AUTS2: variants seen among roughly 807,000 people sequenced by gnomAD.
The protein encoded by AUTS2 is autism susceptibility gene 2 protein.
AUTS2 carries 17 observed loss-of-function variants against 112.4 expected under a neutral mutation model. The ratio of observed to expected loss-of-function variants is 0.15; its 90% CI spans 0.10 to 0.23. The LOEUF (loss-of-function observed/expected upper bound fraction) is 0.23. Among genes scored for constraint, AUTS2 ranks in the 10% least tolerant of loss-of-function variants. The probability of loss-of-function intolerance (pLI) is 1.00; values close to 1 mark genes in which losing one functional copy is unlikely to be tolerated. For synonymous variants in AUTS2, 751 were observed against 702.7 expected, an observed-to-expected ratio of 1.07 and a Z score of -1.09; for missense variants, 1,510 against 1,701.6, an observed-to-expected ratio of 0.89 and a Z score of 1.98.
At chr7:70,577,417 G>C (rs1272670902) in intron 5 of AUTS2, among the ~76,000 whole-genome samples, 1 of 152,122 alleles carries the variant, frequency 6.6e-6, no homozygotes, top group South Asian at 2.1e-4. Context: ...CCCCCTCCCT[G>C]TTATCTTTTA....
intron 1 of AUTS2, among the ~76,000 whole-genome samples, chr7:69,792,330 C>T (rs945927708): frequency 1.3e-5 from 2 of 151,914 alleles, no homozygotes; most frequent in African/African-American, 4.8e-5. Context: ...AGCTCCGCCT[C>T]CCGGGTTCAT....
At chr7:70,189,546 C>A (rs1018232572) in intron 4 of AUTS2, among the ~76,000 whole-genome samples, 1 of 152,150 alleles carries the variant, frequency 6.6e-6, no homozygotes, top group African/African-American at 2.4e-5. Context: ...GATTAATGCC[C>A]AGGTGACCAC....
chr7:70,346,945 T>C (rs1791523439), intron 4 of AUTS2, among the ~76,000 whole-genome samples: 1 of 152,176 alleles, frequency 6.6e-6, no homozygotes, highest in Admixed American at 6.5e-5. Context: ...CCACGTGAAC[T>C]ACATGAAGCA....
chr7:69,957,420 G>A (rs961720832), intron 2 of AUTS2, among the ~76,000 whole-genome samples: 4 of 151,976 alleles, frequency 2.6e-5, no homozygotes, highest in East Asian at 3.9e-4. Flanking sequence ...GATTTACCTT[G>A]TCCTGAATGG....
Position 70,417,740 on chromosome 7 carries a change from CTTCTA to C in AUTS2, c.661-18008_661-18004del, listed in dbSNP as rs1270903194. On this transcript the variant is annotated intron_variant, in intron 4 of 18. Coordinates refer to ENST00000342771, the MANE Select transcript of AUTS2 (RefSeq NM_015570.4). ...TGGTATGGCAGGTTGGAGGTTTCCT[CTTCTA>C]TTCCATTCATCCCATAGAAGCCTTT... Among the ~76,000 whole-genome samples, 7 of 152,316 alleles carry C rather than the reference CTTCTA, an allele frequency of 4.6e-5. No homozygotes were observed. In the East Asian group the frequency reaches 1.4e-3, roughly 29 times the overall value.
intron 1 of AUTS2, among the ~76,000 whole-genome samples, chr7:69,872,761 T>G (rs985681820): frequency 5.3e-5 from 8 of 151,806 alleles, no homozygotes; most frequent in Non-Finnish European, 1.2e-4. Flanking sequence ...GCAGGGAACC[T>G]TCTTTGCCCT....
intron 4 of AUTS2, among the ~76,000 whole-genome samples, chr7:70,362,095 T>C (rs1792295463): frequency 6.6e-6 from 1 of 152,210 alleles, no homozygotes; most frequent in African/African-American, 2.4e-5. Flanking sequence ...AATGCTGATT[T>C]ATGCAGAACT....
At chr7:70,329,242 T>C (rs559545644) in intron 4 of AUTS2, among the ~76,000 whole-genome samples, 2 of 152,338 alleles carry the variant, frequency 1.3e-5, no homozygotes, top group East Asian at 1.9e-4. Context: ...CATGAACATG[T>C]GTCACATATA....
chr7:70,650,843 G>A (rs556972601), intron 5 of AUTS2, among the ~76,000 whole-genome samples: 1 of 152,260 alleles, frequency 6.6e-6, no homozygotes, highest in South Asian at 2.1e-4. Flanking sequence ...AACTGTTCCT[G>A]TACCCATGAC....
chr7:69,902,931 T>C (rs1222529137), intron 2 of AUTS2, among the ~76,000 whole-genome samples: 3 of 152,164 alleles, frequency 2.0e-5, no homozygotes, highest in Admixed American at 6.5e-5. Flanking sequence ...TATGAGAAAT[T>C]TGAATACTTT....
At chr7:69,750,887 G>A (rs954074784) in intron 1 of AUTS2, among the ~76,000 whole-genome samples, 9 of 151,980 alleles carry the variant, frequency 5.9e-5, no homozygotes, top group East Asian at 3.9e-4. Context: ...TGGAAACCCC[G>A]TGCTTCCAGA....
intron 5 of AUTS2, among the ~76,000 whole-genome samples, chr7:70,605,249 G>A (rs931682493): frequency 6.6e-6 from 1 of 152,078 alleles, no homozygotes; most frequent in Non-Finnish European, 1.5e-5. Flanking sequence ...TCTTTCCTTG[G>A]AAATGCTGAG....
At chr7:70,178,515 A>G (rs1274880655) in intron 4 of AUTS2, among the ~76,000 whole-genome samples, 1 of 152,128 alleles carries the variant, frequency 6.6e-6, no homozygotes, top group Non-Finnish European at 1.5e-5. Context: ...AATAGATCCT[A>G]CAGGCCAGGC....
intron 2 of AUTS2, among the ~76,000 whole-genome samples, chr7:70,058,707 A>G (rs1478477361): frequency 6.6e-6 from 1 of 151,334 alleles, no homozygotes; most frequent in African/African-American, 2.4e-5. Context: ...GTCATACTTC[A>G]TGTCTTTCCT....
chr7:69,927,122 G>T (rs943634946), intron 2 of AUTS2, among the ~76,000 whole-genome samples: 7 of 146,324 alleles, frequency 4.8e-5, no homozygotes, highest in Non-Finnish European at 1.0e-4. Context: ...TGCAACTAAT[G>T]AAAAACAAAT....
intron 4 of AUTS2, among the ~76,000 whole-genome samples, chr7:70,372,997 C>T (rs1297089387): frequency 2.0e-5 from 3 of 152,132 alleles, no homozygotes; most frequent in Non-Finnish European, 2.9e-5. Flanking sequence ...ACCAGAGCAA[C>T]CAGCTCCATC....
intron 1 of AUTS2, among the ~76,000 whole-genome samples, chr7:69,772,839 C>A (rs1788725110): frequency 6.6e-6 from 1 of 152,168 alleles, no homozygotes. Flanking sequence ...TACCTCTCAG[C>A]CCAGAGAGGA....
At chr7:70,778,451 G>C (rs1483456089) in intron 14 of AUTS2, among the ~76,000 whole-genome samples, 1 of 151,942 alleles carries the variant, frequency 6.6e-6, no homozygotes, top group Non-Finnish European at 1.5e-5. Flanking sequence ...TTTTAAAAGG[G>C]TTACGTGATT....
chr7:70,748,320 T>C (rs1788596983), intron 6 of AUTS2, among the ~76,000 whole-genome samples: 1 of 152,238 alleles, frequency 6.6e-6, no homozygotes, highest in African/African-American at 2.4e-5. Flanking sequence ...ATTTATTACA[T>C]GGATGTTTTA....
Sources: allele counts gnomAD v4.1 joint callset (sites outside exome capture counted in the v4.1 genomes callset), GRCh38; gene constraint gnomAD v4.1.1; transcripts MANE v1.5; gene names NCBI Gene and HGNC (gene_info 2026-07-23, HGNC 2026-07-21).